The following GK5 variants were observed in gnomAD, a reference collection of about 807,000 sequenced individuals.
GK5 encodes the protein ATP:glycerol 3-phosphotransferase 5.
In GK5, 39 loss-of-function variants were observed where a neutral mutation model predicts 77.3. The observed-to-expected ratio is 0.50, with a 90% confidence interval of 0.39 to 0.66. The LOEUF is 0.66. Among genes scored for constraint, GK5 ranks in the 30% least tolerant of loss-of-function variants. GK5 has a pLI of 0.00. For missense variants in GK5, 487 were observed against 633.8 expected, an observed-to-expected ratio of 0.77 and a Z score of 2.49; for synonymous variants, 211 against 208.0, an observed-to-expected ratio of 1.01 and a Z score of -0.13.
intron 12 of GK5, among the ~76,000 whole-genome samples, chr3:142,175,127 TTC>T (rs1259293918): frequency 1.3e-5 from 2 of 152,220 alleles, no homozygotes; most frequent in African/African-American, 2.4e-5. Flanking sequence ...GACAAACAGC[TTC>T]TCTGTCTATC....
intron 1 of GK5, among the ~76,000 whole-genome samples, chr3:142,219,889 A>C (rs547840653): frequency 2.0e-4 from 31 of 152,286 alleles, no homozygotes; most frequent in Middle Eastern, 3.4e-3. Context: ...GGATCACTTG[A>C]GTCCAGCAAG....
At chr3:142,179,457 G>A (rs2063664419) in intron 11 of GK5, among the ~76,000 whole-genome samples, 1 of 152,130 alleles carries the variant, frequency 6.6e-6, no homozygotes, top group Non-Finnish European at 1.5e-5. Flanking sequence ...AAAGGCAGGA[G>A]GATCACTTGA....
intron 15 of GK5, among the ~76,000 whole-genome samples, chr3:142,167,770 G>C (rs1292226486): frequency 6.6e-6 from 1 of 152,242 alleles, no homozygotes. Context: ...CCAGCACTTT[G>C]GGATGCCAAA....
chr3:142,216,788 A>T (rs1372884637), intron 1 of GK5, among the ~76,000 whole-genome samples: 1 of 152,132 alleles, frequency 6.6e-6, no homozygotes, highest in Admixed American at 6.6e-5. Context: ...TAAGAACAGA[A>T]CTAAAGGATA....
chr3:142,171,836 A>T (rs1429523369), intron 13 of GK5, among the ~76,000 whole-genome samples: 1 of 152,194 alleles, frequency 6.6e-6, no homozygotes, highest in African/African-American at 2.4e-5. Flanking sequence ...GAATTCATCA[A>T]ATATAAAAAC....
In GK5 at chr3:142,161,483, G is replaced by T. The variant is rs2063425361; in HGVS notation, c.*4139C>A. On this transcript the variant is annotated 3_prime_UTR_variant, in exon 16 of 16. Coordinates refer to ENST00000392993, the MANE Select transcript of GK5 (RefSeq NM_001039547.3). ...ATCAAGGATAACGTGTACAAACAAAGTTGCACTAACAAAGTAAAAATTTAT... is the reference window on the plus strand; with the variant it reads ...ATCAAGGATAACGTGTACAAACAAATTTGCACTAACAAAGTAAAAATTTAT... The T allele has an allele frequency of 6.6e-6, 1 of 152,160 alleles. No individual in the cohort carries two copies. The highest frequency in any genetic ancestry group is 6.5e-5 in the Admixed American group (1 of 15,278). The allele number at this position is 152,160 out of a possible 1,614,324, so 9.4% of individuals were successfully genotyped here. A position where few individuals can be genotyped will look rare whatever the true frequency, so the allele number is the denominator to read the frequency against.
intron 12 of GK5, among the ~76,000 whole-genome samples, chr3:142,176,805 G>A (rs557305768): frequency 6.6e-5 from 10 of 151,688 alleles, no homozygotes; most frequent in Non-Finnish European, 1.3e-4. Context: ...TGGACTACAG[G>A]CACGTGCCAC....
At chr3:142,165,963 CT>C (rs1242020860) in intron 15 of GK5, among the ~76,000 whole-genome samples, 193 bp from the exon 16 acceptor site, 4 of 152,232 alleles carry the variant, frequency 2.6e-5, no homozygotes, top group Admixed American at 2.0e-4. Context: ...ATTTTCAAGT[CT>C]TTTGGTTTCT....
chr3:142,196,764 A>C (rs893336788), intron 5 of GK5, among the ~76,000 whole-genome samples: 2 of 152,146 alleles, frequency 1.3e-5, no homozygotes, highest in Non-Finnish European at 2.9e-5. Flanking sequence ...TTCCATGTAC[A>C]CTTCAAGAGA....
chr3:142,187,769 G>A lies in GK5; in HGVS notation c.554C>T (p.Ala185Val). Residue 185 changes from alanine to valine, a missense_variant, in exon 6 of 16, where the codon GCA becomes GTA. Physicochemically the swap from Ala to Val is moderately conservative, Grantham distance 64 (BLOSUM62 0). Around this residue, in one of 4 missense-constraint regions of GK5, gnomAD observed 323 missense variants for 437.4 expected, o/e 0.74. Coordinates refer to ENST00000392993, the MANE Select transcript of GK5 (RefSeq NM_001039547.3). ...ILQNLTEVQK[A>V]VEEENCCFGT... ...AAAGCAGCAATTTTCTTCTTCAACT[G>A]CCTTTTGCACCTTGAAAACACAACA... 6.2e-7 allele frequency: 1 copy of A among 1,611,780 alleles called. No individual in the cohort carries two copies. Among genetic ancestry groups the A allele is most frequent in the Non-Finnish European group, 8.5e-7 (1 of 1,179,054 alleles).
rs540620046 is a variant in GK5, at chr3:142,162,698, T to C, written c.*2924A>G. 1 of 152,016 alleles carries C rather than the reference T, an allele frequency of 6.6e-6. No homozygotes were observed. Among genetic ancestry groups the C allele is most frequent in the African/African-American group, 2.4e-5 (1 of 41,416 alleles). 9.4% of individuals were successfully genotyped at this position (152,016 alleles called of 1,614,324 possible). A position where few individuals can be genotyped will look rare whatever the true frequency, so the allele number is the denominator to read the frequency against. On this transcript the variant is annotated 3_prime_UTR_variant, in exon 16 of 16. Coordinates refer to ENST00000392993, the MANE Select transcript of GK5 (RefSeq NM_001039547.3). ...TTAGCATACAAATGAAAAACAAACT[T>C]GGAAGACAGAAAGGACAAGCCAGGC...
At chr3:142,217,554 G>A (rs1237541028) in intron 1 of GK5, among the ~76,000 whole-genome samples, 1 of 151,982 alleles carries the variant, frequency 6.6e-6, no homozygotes, top group African/African-American at 2.4e-5. Flanking sequence ...GTTTAATCAG[G>A]GGTCTCCAAA....
intron 3 of GK5, among the ~76,000 whole-genome samples, chr3:142,206,941 G>A (rs1245110181): frequency 6.6e-6 from 1 of 152,192 alleles, no homozygotes; most frequent in East Asian, 1.9e-4. Flanking sequence ...AGAAAAGGGG[G>A]AGATGTAGGG....
At chr3:142,189,882 C>T (rs2063824789) in intron 5 of GK5, among the ~76,000 whole-genome samples, 1 of 152,152 alleles carries the variant, frequency 6.6e-6, no homozygotes, top group Admixed American at 6.5e-5. Context: ...TATGTTAAGG[C>T]TCTCAAATTC....
At position 142,186,448 on chromosome 3, in the gene GK5, T is replaced by A. The variant is rs1261514575; in HGVS notation, c.681+4A>T. On this transcript the variant is annotated splice_donor_region_variant and intron_variant, in intron 7 of 15. Transcript: ENST00000392993. ...ATTCAAAAAGAAGAAAAAAAAATTTTTACCTTATATGGGTCAAAAAGTCCA... is the reference window on the plus strand; with the variant it reads ...ATTCAAAAAGAAGAAAAAAAAATTTATACCTTATATGGGTCAAAAAGTCCA... 4 of 1,516,298 alleles carry A rather than the reference T, an allele frequency of 2.6e-6. No individual in the cohort carries two copies. The South Asian group carries it at 5.1e-5, about 19-fold the overall frequency. 93.9% of individuals were successfully genotyped at this position (1,516,298 alleles called of 1,614,324 possible).
Position 142,213,541 on chromosome 3 carries a change from A to C in GK5, c.302T>G (p.Phe101Cys), listed in dbSNP as rs373330647. 15 of 1,607,728 alleles carry C rather than the reference A, an allele frequency of 9.3e-6. No homozygotes were observed. Among genetic ancestry groups the C allele is most frequent in the Non-Finnish European group, 1.7e-6 (2 of 1,174,206 alleles). Residue 101 changes from phenylalanine to cysteine, a missense_variant, in exon 3 of 16, where the codon TTT becomes TGT. By Grantham distance (205) the Phe-to-Cys change is radical. Transcript: ENST00000392993. The stretch of plus-strand genomic sequence containing the variant: ...ATGTACTTACTTGTTCCACGTAATA[A>C]AAGTTGCTCTCTGTGTTGAAATGCC... ...GLGISTQRATFITWNKKTGNH... is the reference protein window; with the variant it reads ...GLGISTQRATCITWNKKTGNH...
At chr3:142,206,905 T>G (rs962008214) in intron 3 of GK5, among the ~76,000 whole-genome samples, 3 of 152,224 alleles carry the variant, frequency 2.0e-5, no homozygotes, top group Non-Finnish European at 4.4e-5. Context: ...CACCAACCTA[T>G]GATTGCTACG....
chr3:142,209,500 C>T (rs912656487), intron 3 of GK5, among the ~76,000 whole-genome samples: 2 of 152,028 alleles, frequency 1.3e-5, no homozygotes, highest in African/African-American at 2.4e-5. Context: ...TCAGCACTGA[C>T]CTGGGTTTAT....
At chr3:142,176,642 A>G (rs969699877) in intron 12 of GK5, among the ~76,000 whole-genome samples, 1 of 151,354 alleles carries the variant, frequency 6.6e-6, no homozygotes, top group African/African-American at 2.4e-5. Flanking sequence ...ACAACAATTA[A>G]TGAAAGGAGA....
Sources: gnomAD v4.1 joint callset for allele counts (sites outside exome capture counted in the v4.1 genomes callset) on GRCh38, gnomAD v4.1.1 for gene constraint, gnomAD v4.1.1 regional missense constraint, MANE v1.5 for transcripts, NCBI Gene and HGNC (gene_info 2026-07-23, HGNC 2026-07-21) for gene names.